UNC13B: variants seen among roughly 807,000 people sequenced by gnomAD.
UNC13B encodes unc-13 homolog B, also known as protein unc-13 homolog B.
A neutral mutation model predicts 211.0 loss-of-function variants in UNC13B; 144 were observed. That is an observed-to-expected ratio of 0.68 (90% CI 0.60 to 0.78). The LOEUF (loss-of-function observed/expected upper bound fraction) is 0.78, where lower values mean the gene tolerates loss of function less well. Among genes scored for constraint, UNC13B ranks in the 30% least tolerant of loss-of-function variants. The pLI is 0.00. For missense variants in UNC13B, 1,777 were observed against 2,002.0 expected, an observed-to-expected ratio of 0.89 and a Z score of 2.14; for synonymous variants, 709 against 725.8, an observed-to-expected ratio of 0.98 and a Z score of 0.37.
At chr9:35,264,994 T>C (rs1466828647) in intron 7 of UNC13B, among the ~76,000 whole-genome samples, 1 of 152,240 alleles carries the variant, frequency 6.6e-6, no homozygotes, top group East Asian at 1.9e-4. Context: ...GATGACTCTT[T>C]ACTCAAGATC....
At chr9:35,375,444 A>G (rs112800583) in intron 14 of UNC13B, among the ~76,000 whole-genome samples, 3,569 of 152,296 alleles carry the variant, frequency 0.023, 134 homozygotes, top group African/African-American at 0.081. Flanking sequence ...TCAAGGTTTT[A>G]TGATGGACCT....
At chr9:35,330,910 A>G (rs1045850907) in intron 11 of UNC13B, among the ~76,000 whole-genome samples, 3 of 152,230 alleles carry the variant, frequency 2.0e-5, no homozygotes, top group African/African-American at 4.8e-5. Context: ...CAACCTGTCC[A>G]GAGTTAGAGA....
intron 7 of UNC13B, among the ~76,000 whole-genome samples, chr9:35,292,958 C>A (rs1287161870): frequency 6.6e-6 from 1 of 152,216 alleles, no homozygotes; most frequent in Non-Finnish European, 1.5e-5. Context: ...ATTAAAAACA[C>A]AGTTATTTAA....
At chr9:35,397,952 A>G (rs776742552) in intron 30 of UNC13B, among the ~76,000 whole-genome samples, 2 of 152,132 alleles carry the variant, frequency 1.3e-5, no homozygotes, top group Non-Finnish European at 1.5e-5. Context: ...TTTAATATAT[A>G]TATAAAAACT....
chr9:35,297,561 T>TTTTTTGTTTTTTTG (rs1554698741), intron 8 of UNC13B, among the ~76,000 whole-genome samples: 6 of 128,162 alleles, frequency 4.7e-5, no homozygotes, highest in Non-Finnish European at 1.0e-4. Flanking sequence ...TTTTTTTTTT[T>TTTTTTGTTTTTTTG]TTTTTTGAGA....
chr9:35,378,408 A>C lies in UNC13B; in HGVS notation c.10177A>C (p.Asn3393His). The change falls in exon 17 of 40, where the codon AAT (asparagine) becomes CAT (histidine). Residue 3393 changes from asparagine to histidine, a missense_variant. Physicochemically the swap from Asn to His is moderately conservative, Grantham distance 68. Transcript: ENST00000635942. ...TACCAAGACCATTTTTGGAAACTTG[A>C]ATCCTGTTTGGGAGGAGAAGTTCCA... ...KRTKTIFGNLNPVWEEKFHFE... is the reference protein window; with the variant it reads ...KRTKTIFGNLHPVWEEKFHFE... 2 of 1,614,144 alleles carry C rather than the reference A, an allele frequency of 1.2e-6. No homozygotes were observed. Among genetic ancestry groups the C allele is most frequent in the Non-Finnish European group, 8.5e-7 (1 of 1,180,026 alleles).
rs556006343 is a variant in UNC13B at position 35,303,334 on chromosome 9, G to A, written c.3930G>A (p.Arg1310=). The A allele has an allele frequency of 1.5e-4, 59 of 398,562 alleles. No homozygotes were observed. The highest frequency in any genetic ancestry group is 1.0e-3 in the African/African-American group (50 of 48,718). The allele number at this position is 398,562 out of a possible 1,614,324, so 24.7% of individuals were successfully genotyped here. A position where few individuals can be genotyped will look rare whatever the true frequency, so the allele number is the denominator to read the frequency against. Residue 1310 remains arginine (R), a synonymous_variant, in exon 9 of 40, where the codon AGG becomes AGA. Coordinates refer to ENST00000635942, the MANE Select transcript of UNC13B (RefSeq NM_001371189.2). ...LGFLEKSMAK[R]QMPNHVLEAK... ...TTTTGGAGAAATCTATGGCTAAGAG[G>A]CAAATGCCAAACCATGTTCTTGAGG...
chr9:35,262,721 A>G (rs1340594249), intron 7 of UNC13B, among the ~76,000 whole-genome samples: 3 of 152,164 alleles, frequency 2.0e-5, no homozygotes, highest in Non-Finnish European at 4.4e-5. Flanking sequence ...ACTTGAGCCC[A>G]GGAGTTCTAG....
At chr9:35,347,738 GC>G (rs1448445311) in intron 11 of UNC13B, among the ~76,000 whole-genome samples, 1 of 152,210 alleles carries the variant, frequency 6.6e-6, no homozygotes, top group Non-Finnish European at 1.5e-5. Context: ...GGGAGAAGCT[GC>G]TATGGCAGCT....
At chr9:35,278,262 C>T (rs1045769563) in intron 7 of UNC13B, among the ~76,000 whole-genome samples, 3 of 152,144 alleles carry the variant, frequency 2.0e-5, no homozygotes, top group African/African-American at 7.2e-5. Flanking sequence ...ACTCCAGATA[C>T]GTAGAGTCCT....
chr9:35,313,023 A>G (rs1056720549), intron 10 of UNC13B, among the ~76,000 whole-genome samples: 56 of 152,320 alleles, frequency 3.7e-4, no homozygotes, highest in African/African-American at 1.2e-3. Flanking sequence ...TTCTGCCCTA[A>G]GGATGCTATG....
intron 1 of UNC13B, among the ~76,000 whole-genome samples, chr9:35,220,172 A>G (rs1476593251): frequency 1.3e-5 from 2 of 151,860 alleles, no homozygotes; most frequent in African/African-American, 4.8e-5. Context: ...GGGGTATATA[A>G]TACATGTATA....
chr9:35,375,141 T>C lies in UNC13B; in HGVS notation c.9555T>C (p.Ser3185=). ...PLVSDLSLVQ[S]RKAGITSAMA... Reference sequence around the variant, plus strand: ...TTCCCTGACAGTCACTGGTCCAGTCTCGGAAGGCAGGAATCACTTCTGCAA... The same window carrying C: ...TTCCCTGACAGTCACTGGTCCAGTCCCGGAAGGCAGGAATCACTTCTGCAA... Residue 3185 remains serine (S), a synonymous_variant, in exon 14 of 40, where the codon TCT becomes TCC. Coordinates refer to ENST00000635942, the MANE Select transcript of UNC13B (RefSeq NM_001371189.2). 6.2e-7 allele frequency: 1 copy of C among 1,614,152 alleles called. No homozygotes were observed. Among genetic ancestry groups the C allele is most frequent in the Middle Eastern group, 1.7e-4 (1 of 6,058 alleles).
intron 7 of UNC13B, among the ~76,000 whole-genome samples, chr9:35,269,408 T>G (rs745547143): frequency 1.3e-5 from 2 of 152,254 alleles, no homozygotes; most frequent in Non-Finnish European, 2.9e-5. Flanking sequence ...CTACTCTCCC[T>G]GTGGGTGCAT....
At chr9:35,253,224 C>G (rs111907428) in intron 6 of UNC13B, among the ~76,000 whole-genome samples, 43 of 152,238 alleles carry the variant, frequency 2.8e-4, no homozygotes, top group African/African-American at 9.6e-4. Flanking sequence ...TCACTACATC[C>G]TGGAATATCT....
chr9:35,389,707 C>A, intron 24 of UNC13B, 139 bp from the exon 25 acceptor site: 1 of 835,816 alleles, frequency 1.2e-6, no homozygotes, highest in South Asian at 1.7e-5. Flanking sequence ...TTGTGGAAGA[C>A]AGGCTCTAGG....
chr9:35,340,232 C>CA (rs1041629258), intron 11 of UNC13B, among the ~76,000 whole-genome samples: 30 of 152,262 alleles, frequency 2.0e-4, no homozygotes, highest in African/African-American at 7.2e-4. Context: ...AGCCAGCTCC[C>CA]AACTAGGTTA....
chr9:35,244,905 G>A (rs1402513340), intron 6 of UNC13B, among the ~76,000 whole-genome samples: 2 of 152,018 alleles, frequency 1.3e-5, no homozygotes, highest in African/African-American at 4.8e-5. Context: ...TCTTTTCAGG[G>A]TTTTCCGTTA....
In UNC13B at chr9:35,396,472, C is replaced by T; in HGVS notation, c.11309-4C>T. 1 of 1,614,074 alleles carries T rather than the reference C, an allele frequency of 6.2e-7. No homozygotes were observed. Among genetic ancestry groups the T allele is most frequent in the Non-Finnish European group, 8.5e-7 (1 of 1,180,002 alleles). ...CCTGACCCAACCTTTCTCCCTACCA[C>T]TAGAGCATGAGAAAGACCACCTGTG... On this transcript the variant is annotated splice_region_variant and splice_polypyrimidine_tract_variant and intron_variant, in intron 26 of 39. Transcript: ENST00000635942.
Sources: allele counts gnomAD v4.1 joint callset (sites outside exome capture counted in the v4.1 genomes callset), GRCh38; gene constraint gnomAD v4.1.1; transcripts MANE v1.5; gene names NCBI Gene and HGNC (gene_info 2026-07-23, HGNC 2026-07-21).